KMT2C: variants seen among roughly 807,000 people sequenced by gnomAD.
The protein encoded by KMT2C is histone-lysine N-methyltransferase 2C.
In KMT2C, 88 loss-of-function variants were observed where a neutral mutation model predicts 507.9. That is an observed-to-expected ratio of 0.17 (90% confidence interval 0.15 to 0.21). The LOEUF (loss-of-function observed/expected upper bound fraction) is 0.21, where lower values mean the gene tolerates loss of function less well. Among genes scored for constraint, KMT2C ranks in the 10% least tolerant of loss-of-function variants. KMT2C has a pLI of 1.00. For missense variants in KMT2C, 4,954 were observed against 5,957.8 expected, an observed-to-expected ratio of 0.83 and a Z score of 5.55; for synonymous variants, 2,049 against 2,080.8, an observed-to-expected ratio of 0.98 and a Z score of 0.42.
At chr7:152,315,868 G>C (rs1221332388) in intron 3 of KMT2C, among the ~76,000 whole-genome samples, 1 of 152,082 alleles carries the variant, frequency 6.6e-6, no homozygotes, top group Non-Finnish European at 1.5e-5. Flanking sequence ...AGCTGAGATT[G>C]AACCACTGCA....
At chr7:152,254,732 G>C (rs1256920314) in intron 9 of KMT2C, among the ~76,000 whole-genome samples, 1 of 151,996 alleles carries the variant, frequency 6.6e-6, no homozygotes. Flanking sequence ...TGCAAGCATT[G>C]AAACAAATGA....
At position 152,405,055 on chromosome 7, in the gene KMT2C, T is replaced by C. The variant is rs1328947605; in HGVS notation, c.161+30571A>G. Among the ~76,000 whole-genome samples, 18 of 149,932 alleles carry C rather than the reference T, an allele frequency of 1.2e-4. No homozygotes were observed. In the South Asian group the frequency reaches 1.6e-3, roughly 13 times the overall value. On this transcript the variant is annotated intron_variant, in intron 1 of 58. Transcript: ENST00000262189. ...CTGTAGAGATGGGGTTTCTTCATATTGCCCAGCTGGTCTCAAACTCCTGAG... is the reference window on the plus strand; with the variant it reads ...CTGTAGAGATGGGGTTTCTTCATATCGCCCAGCTGGTCTCAAACTCCTGAG...
At chr7:152,298,131 T>G (rs1334075645) in intron 6 of KMT2C, among the ~76,000 whole-genome samples, 1 of 151,976 alleles carries the variant, frequency 6.6e-6, no homozygotes, top group African/African-American at 2.4e-5. Flanking sequence ...TAAAAAGTGA[T>G]TTTTAAAAAG....
intron 31 of KMT2C, among the ~76,000 whole-genome samples, chr7:152,191,715 A>T (rs1320404335): frequency 6.6e-6 from 1 of 152,198 alleles, no homozygotes; most frequent in Non-Finnish European, 1.5e-5. Flanking sequence ...AGCCCTTTAC[A>T]ATCAGCACCA....
intron 1 of KMT2C, among the ~76,000 whole-genome samples, chr7:152,365,198 CA>C (rs913623247): frequency 1.3e-5 from 2 of 151,722 alleles, no homozygotes; most frequent in African/African-American, 2.4e-5. Context: ...AAACATGCAG[CA>C]AAAAAAAGTA....
rs2129115064 is a variant in KMT2C at position 152,177,598 on chromosome 7, G to C, written c.7855C>G (p.Leu2619Val). Residue 2619 changes from leucine (L) to valine (V), a missense_variant, in exon 38 of 59, where the codon CTA (leucine) becomes GTA (valine). Around this residue, in one of 29 missense-constraint regions of KMT2C, gnomAD observed 1,689 missense variants for 1,654.3 expected, o/e 1.02. Transcript: ENST00000262189. Reference protein sequence around the residue: ...RRPPQGLPNQLPVHPDLEQVP... With the variant: ...RRPPQGLPNQVPVHPDLEQVP... ...TGTTCCAAATCTGGGTGCACAGGTA[G>C]CTGATTAGGTAGACCCTGGGGAGGT... 1.2e-6 allele frequency: 2 copies of C among 1,614,172 alleles called. No individual in the cohort carries two copies. The highest frequency in any genetic ancestry group is 1.7e-6 in the Non-Finnish European group (2 of 1,180,036).
Position 152,257,154 on chromosome 7 carries a change from A to G in KMT2C, c.1300-4439T>C, listed in dbSNP as rs546017050. 2.1e-3 allele frequency among the ~76,000 whole-genome samples: 319 copies of G among 152,318 alleles called. 3 individuals are homozygous for G. The highest frequency in any genetic ancestry group is 0.01 in the Middle Eastern group (3 of 294). On this transcript the variant is annotated intron_variant, in intron 9 of 58. Transcript: ENST00000262189. ...GAGTAACCCATAGCACAGATACACAATGGAGTGCTATGCAGCTGTTTAAAA... is the reference window on the plus strand; with the variant it reads ...GAGTAACCCATAGCACAGATACACAGTGGAGTGCTATGCAGCTGTTTAAAA...
intron 39 of KMT2C, among the ~76,000 whole-genome samples, chr7:152,172,453 T>C (rs545935255): frequency 1.9e-4 from 29 of 152,290 alleles, no homozygotes; most frequent in Middle Eastern, 3.4e-3. Context: ...TGCAGCACTT[T>C]GGGAGGGGGA....
At chr7:152,341,753 A>G (rs2096995229) in intron 2 of KMT2C, among the ~76,000 whole-genome samples, 1 of 152,226 alleles carries the variant, frequency 6.6e-6, no homozygotes, top group South Asian at 2.1e-4. Flanking sequence ...TTTCATATCA[A>G]AAAAAGATAA....
chr7:152,228,962 C>A (rs1404697166), intron 18 of KMT2C, among the ~76,000 whole-genome samples: 1 of 152,104 alleles, frequency 6.6e-6, no homozygotes, highest in Non-Finnish European at 1.5e-5. Context: ...CCTAAACTCA[C>A]AAAAACCTGT....
intron 1 of KMT2C, among the ~76,000 whole-genome samples, chr7:152,388,611 T>C (rs201768391): frequency 2.0e-5 from 3 of 150,394 alleles, no homozygotes; most frequent in African/African-American, 7.5e-5. Flanking sequence ...GGTAAGCTTT[T>C]CAAGCACACC....
intron 46 of KMT2C, 70 bp downstream of exon 46, chr7:152,155,840 A>T: frequency 1.4e-6 from 2 of 1,419,706 alleles, no homozygotes; most frequent in South Asian, 2.6e-5. Context: ...ACATTATGCC[A>T]CATACATACA....
intron 6 of KMT2C, among the ~76,000 whole-genome samples, chr7:152,290,822 A>G (rs1195638495): frequency 1.3e-5 from 2 of 152,062 alleles, no homozygotes; most frequent in African/African-American, 4.8e-5. Flanking sequence ...GAATGCTCCA[A>G]TATTTTCCTT....
intron 31 of KMT2C, among the ~76,000 whole-genome samples, chr7:152,190,389 T>C (rs746711854): frequency 5.9e-5 from 9 of 152,226 alleles, no homozygotes; most frequent in Non-Finnish European, 1.3e-4. Context: ...TTCCCAATAG[T>C]AATATTAGCT....
intron 1 of KMT2C, among the ~76,000 whole-genome samples, chr7:152,369,502 T>G (rs2097275829): frequency 6.6e-6 from 1 of 152,200 alleles, no homozygotes; most frequent in Non-Finnish European, 1.5e-5. Flanking sequence ...GAATATCATT[T>G]GTCCTCACCA....
In KMT2C at chr7:152,147,326, T is replaced by A. The variant is rs187651098; in HGVS notation, c.13895-591A>T. On this transcript the variant is annotated intron_variant, in intron 52 of 58. Coordinates refer to ENST00000262189, the MANE Select transcript of KMT2C (RefSeq NM_170606.3). ...ATATCTGATGTTCCTATACATTGTC[T>A]TATGACAATGTATACAGTATGATTT... Among the ~76,000 whole-genome samples, 43 of 152,280 alleles carry A rather than the reference T, an allele frequency of 2.8e-4. No homozygotes were observed. In the East Asian group the frequency reaches 7.9e-3, roughly 28 times the overall value.
At chr7:152,257,859 A>ACACGCG in intron 9 of KMT2C, among the ~76,000 whole-genome samples, 1 of 147,316 alleles carries the variant, frequency 6.8e-6, no homozygotes, top group African/African-American at 2.7e-5. Context: ...TGAGCTACAC[A>ACACGCG]CACACGCACA....
rs2094268563 is a variant in KMT2C, at chr7:152,205,181, C to T, written c.3886G>A (p.Gly1296Arg). ...MVRQRSRTGQ[G>R]KTKRSVIRKD... Reference sequence around the variant, plus strand: ...CTGATCACAGATCTTTTGGTTTTCCCTTGCCCAGTTCGACTTCTTTGCCGC... The same window carrying T: ...CTGATCACAGATCTTTTGGTTTTCCTTTGCCCAGTTCGACTTCTTTGCCGC... The change falls in exon 25 of 59, where the codon GGG becomes AGG. Residue 1296 changes from glycine (G) to arginine (R), a missense_variant. Coordinates refer to ENST00000262189, the MANE Select transcript of KMT2C (RefSeq NM_170606.3). 1.2e-6 allele frequency: 2 copies of T among 1,611,572 alleles called. No individual in the cohort carries two copies.
chr7:152,161,591 C>A (rs7789338), intron 43 of KMT2C, among the ~76,000 whole-genome samples: 6,333 of 152,108 alleles, frequency 0.042, 449 homozygotes, highest in African/African-American at 0.14. Flanking sequence ...ATGTTAATAA[C>A]TTAAAACTGA....
Sources: gnomAD v4.1 joint callset for allele counts (sites outside exome capture counted in the v4.1 genomes callset) on GRCh38, gnomAD v4.1.1 for gene constraint, gnomAD v4.1.1 regional missense constraint, MANE v1.5 for transcripts, NCBI Gene and HGNC (gene_info 2026-07-23, HGNC 2026-07-21) for gene names.